The following SAMD12 variants were observed in gnomAD, a reference collection of about 807,000 sequenced individuals.
SAMD12 encodes sterile alpha motif domain containing 12, also known as sterile alpha motif domain-containing protein 12.
SAMD12 carries 9 observed loss-of-function variants against 15.0 expected under a neutral mutation model. The ratio of observed to expected loss-of-function variants is 0.60; its 90% confidence interval spans 0.36 to 1.05. The LOEUF (loss-of-function observed/expected upper bound fraction) is 1.05. SAMD12 is among the 50% of genes least tolerant of loss of function. The pLI, the probability that SAMD12 is intolerant of heterozygous loss-of-function variation, is 0.01. For missense variants in SAMD12, 230 were observed against 234.2 expected (o/e 0.98, Z 0.12); for synonymous variants, 86 against 90.1 (o/e 0.96, Z 0.25).
chr8:118,563,284 C>A (rs908784773), intron 2 of SAMD12, among the ~76,000 whole-genome samples: 5 of 152,192 alleles, frequency 3.3e-5, no homozygotes, highest in Non-Finnish European at 5.9e-5. Flanking sequence ...GATCAAATAT[C>A]ACATATACTT....
At chr8:118,210,196 G>A (rs924200281) in intron 4 of SAMD12, among the ~76,000 whole-genome samples, 2 of 152,208 alleles carry the variant, frequency 1.3e-5, no homozygotes, top group African/African-American at 4.8e-5. Flanking sequence ...CATGTGCCAA[G>A]AAGTACTGTT....
intron 4 of SAMD12, among the ~76,000 whole-genome samples, chr8:118,259,567 G>A (rs892435076): frequency 1.3e-5 from 2 of 152,042 alleles, no homozygotes; most frequent in East Asian, 3.9e-4. Context: ...TGAAAAATTC[G>A]CTTATGTGGC....
At chr8:118,590,093 G>A (rs772655967) in intron 1 of SAMD12, among the ~76,000 whole-genome samples, 5 of 152,076 alleles carry the variant, frequency 3.3e-5, no homozygotes, top group Non-Finnish European at 5.9e-5. Context: ...TAAGAAACCT[G>A]CAACTTGGGA....
intron 1 of SAMD12, among the ~76,000 whole-genome samples, chr8:118,595,558 G>C (rs551174301): frequency 1.6e-4 from 24 of 152,318 alleles, no homozygotes; most frequent in Non-Finnish European, 2.9e-4. Flanking sequence ...GCTCAGACCA[G>C]AGAAAGTCTA....
intron 2 of SAMD12, among the ~76,000 whole-genome samples, chr8:118,478,880 T>A (rs1047769367): frequency 9.9e-5 from 15 of 152,198 alleles, no homozygotes; most frequent in African/African-American, 3.6e-4. Context: ...GACATTAAGC[T>A]ACCCAAGCAA....
At chr8:118,309,406 G>C (rs1815522566) in intron 4 of SAMD12, among the ~76,000 whole-genome samples, 2 of 147,762 alleles carry the variant, frequency 1.4e-5, no homozygotes, top group African/African-American at 5.2e-5. Flanking sequence ...GTGTGTGTGT[G>C]TATGTGTATT....
chr8:118,351,052 C>T (rs370960704), intron 4 of SAMD12, among the ~76,000 whole-genome samples: 18 of 152,316 alleles, frequency 1.2e-4, no homozygotes, highest in African/African-American at 3.6e-4. Flanking sequence ...TTTCTCACCA[C>T]GTGGGACATG....
At chr8:118,549,350 A>C (rs1826246107) in intron 2 of SAMD12, among the ~76,000 whole-genome samples, 2 of 152,252 alleles carry the variant, frequency 1.3e-5, no homozygotes, top group African/African-American at 4.8e-5. Context: ...AGGAAATATC[A>C]GACAGCAGCA....
At chr8:118,226,352 T>A (rs1383297852) in intron 4 of SAMD12, among the ~76,000 whole-genome samples, 1 of 152,200 alleles carries the variant, frequency 6.6e-6, no homozygotes, top group Non-Finnish European at 1.5e-5. Flanking sequence ...CGAACCCAGA[T>A]TTCAGCAATG....
intron 3 of SAMD12, among the ~76,000 whole-genome samples, chr8:118,381,422 T>A (rs375864070): frequency 6.6e-6 from 1 of 152,222 alleles, no homozygotes; most frequent in African/African-American, 2.4e-5. Context: ...AAGATGTCCA[T>A]GTTCTCATCT....
the SAMD12 span, among the ~76,000 whole-genome samples, chr8:118,157,872 T>G: frequency 1.3e-5 from 2 of 152,348 alleles, no homozygotes; most frequent in East Asian, 3.9e-4. Context: ...TTTTCAGGAC[T>G]GTGGACATCA....
At chr8:118,566,470 A>C (rs1053791834) in intron 2 of SAMD12, among the ~76,000 whole-genome samples, 1 of 152,112 alleles carries the variant, frequency 6.6e-6, no homozygotes, top group Non-Finnish European at 1.5e-5. Context: ...TGAAGGTAGA[A>C]CTCACTTCTG....
At chr8:118,544,899 G>C (rs72678157) in intron 2 of SAMD12, among the ~76,000 whole-genome samples, 1 of 152,132 alleles carries the variant, frequency 6.6e-6, no homozygotes, top group South Asian at 2.1e-4. Context: ...TAGGTGCTTC[G>C]ACATATAACG....
intron 2 of SAMD12, among the ~76,000 whole-genome samples, chr8:118,501,739 G>T (rs138956929): frequency 0.025 from 3,849 of 152,264 alleles, 162 homozygotes; most frequent in African/African-American, 0.086. Context: ...ATTCTGGGCC[G>T]GGCGCGGTGG....
chr8:118,619,435 C>T (rs1230271021), intron 1 of SAMD12, among the ~76,000 whole-genome samples: 2 of 147,240 alleles, frequency 1.4e-5, no homozygotes, highest in African/African-American at 2.5e-5. Context: ...GCTGAGACCG[C>T]GCCACTGTAC....
intron 4 of SAMD12, among the ~76,000 whole-genome samples, chr8:118,284,089 C>A (rs946460465): frequency 2.6e-5 from 4 of 152,170 alleles, no homozygotes; most frequent in African/African-American, 9.7e-5. Flanking sequence ...CCGAAGACTG[C>A]CAAATCTTCC....
At chr8:118,520,462 A>G (rs1290491492) in intron 2 of SAMD12, among the ~76,000 whole-genome samples, 5 of 152,170 alleles carry the variant, frequency 3.3e-5, no homozygotes, top group Non-Finnish European at 7.3e-5. Flanking sequence ...CATTATTAGG[A>G]TGAGGATAAA....
At chr8:118,364,434 C>A (rs13248103) in intron 4 of SAMD12, among the ~76,000 whole-genome samples, 13 of 152,190 alleles carry the variant, frequency 8.5e-5, no homozygotes, top group African/African-American at 3.1e-4. Context: ...CCTTTAGGAA[C>A]CCTAAGAGCT....
chr8:118,201,445 C>T (rs1819711570), intron 4 of SAMD12, among the ~76,000 whole-genome samples: 1 of 152,150 alleles, frequency 6.6e-6, no homozygotes, highest in Non-Finnish European at 1.5e-5. Flanking sequence ...AGTGTGGCAT[C>T]TCAAATTTTT....
Sources: gnomAD v4.1 joint callset for allele counts (sites outside exome capture counted in the v4.1 genomes callset) on GRCh38, gnomAD v4.1.1 for gene constraint, MANE v1.5 for transcripts, NCBI Gene and HGNC (gene_info 2026-07-23, HGNC 2026-07-21) for gene names.